Variants in DOT1L observed in about 807,000 individuals in gnomAD.
The protein encoded by DOT1L is histone-lysine N-methyltransferase, H3 lysine-79 specific.
Under a neutral mutation model 153.3 loss-of-function variants are expected in DOT1L, and 33 were observed. That is an observed-to-expected ratio of 0.22 (90% confidence interval 0.16 to 0.29). The LOEUF (loss-of-function observed/expected upper bound fraction) is 0.29. Among genes scored for constraint, DOT1L ranks in the 10% least tolerant of loss-of-function variants. The pLI is 1.00. For synonymous variants in DOT1L, 1,135 were observed against 965.1 expected (o/e 1.18, Z -3.26); for missense variants, 1,847 against 2,119.9 (o/e 0.87, Z 2.53).
At chr19:2,177,330 CTT>C (rs1277904187) in intron 1 of DOT1L, among the ~76,000 whole-genome samples, 1 of 151,870 alleles carries the variant, frequency 6.6e-6, no homozygotes, top group Admixed American at 6.6e-5. Context: ...AAGTTTTGCT[CTT>C]GTCGCCCAGG....
At chr19:2,195,721 T>C (rs2022988398) in intron 7 of DOT1L, among the ~76,000 whole-genome samples, 1 of 151,930 alleles carries the variant, frequency 6.6e-6, no homozygotes, top group African/African-American at 2.4e-5. Context: ...GGCACAGGGG[T>C]TGCCAAGCTG....
rs937922037 is a variant in DOT1L at position 2,180,661 on chromosome 19, G to T, written c.82-52G>T. 4.4e-6 allele frequency: 7 copies of T among 1,607,974 alleles called. No individual in the cohort carries two copies. The African/African-American group carries it at 8.0e-5, about 18-fold the overall frequency. On this transcript the variant is annotated intron_variant, in intron 1 of 27. Transcript: ENST00000398665. ...CGCTTGTCCGGGAAGAGAGCGATGG[G>T]CTCACGGGGTGGAGGATGGCTCTGC...
In DOT1L at chr19:2,230,299, T is replaced by G. The variant is rs2024543269; in HGVS notation, c.*507T>G. 2.4e-6 allele frequency: 1 copy of G among 416,224 alleles called. No homozygotes were observed. Among genetic ancestry groups the G allele is most frequent in the Non-Finnish European group, 4.2e-6 (1 of 237,110 alleles). The allele number at this position is 416,224 out of a possible 1,614,324, so 25.8% of individuals were successfully genotyped here. A position where few individuals can be genotyped will look rare whatever the true frequency, so the allele number is the denominator to read the frequency against. On this transcript the variant is annotated 3_prime_UTR_variant, in exon 28 of 28. Transcript: ENST00000398665. ...TGCTCCCGTACCAAAGGCAGGCCCG[T>G]CGCCACCACATTCCTCGGAGGCCTC...
At position 2,191,596 on chromosome 19, in the gene DOT1L, G is replaced by A. The variant is rs547354263; in HGVS notation, c.493+356G>A. On this transcript the variant is annotated intron_variant, in intron 5 of 27. Coordinates refer to ENST00000398665, the MANE Select transcript of DOT1L (RefSeq NM_032482.3). The surrounding 1 kb of genome is among the most constrained non-coding windows in gnomAD (Gnocchi z 6.8). ...CACTCGCTAGCCTGGGCCCCAGCCC[G>A]GGCCCCACCCACGGCTGCAGCCTGC... Among the ~76,000 whole-genome samples, 3 of 152,234 alleles carry A rather than the reference G, an allele frequency of 2.0e-5. No individual in the cohort carries two copies. The highest frequency in any genetic ancestry group is 4.4e-5 in the Non-Finnish European group (3 of 68,016).
chr19:2,196,562 A>G (rs528787867), intron 7 of DOT1L, among the ~76,000 whole-genome samples: 1 of 152,036 alleles, frequency 6.6e-6, no homozygotes, highest in African/African-American at 2.4e-5. Flanking sequence ...CAAATTCCTG[A>G]CCTCGTGATC....
intron 9 of DOT1L, among the ~76,000 whole-genome samples, chr19:2,203,539 T>A (rs921749412): frequency 6.6e-6 from 1 of 152,218 alleles, no homozygotes; most frequent in Admixed American, 6.5e-5. Context: ...TCAGCTGTTT[T>A]GTTTTCTCCC....
chr19:2,216,465 A>G lies in DOT1L; in HGVS notation c.2108A>G (p.His703Arg). The G allele has an allele frequency of 6.2e-7, 1 of 1,612,628 alleles. No individual in the cohort carries two copies. The stretch of plus-strand genomic sequence containing the variant: ...GACTGCACCAAGTTCTCGCTGCCTC[A>G]CTTGAGCAGCATGAGCCCGGAGCTC... ...ELDCTKFSLP[H>R]LSSMSPELSM... The change falls in exon 20 of 28, where the codon CAC (histidine) becomes CGC (arginine). Residue 703 changes from histidine to arginine, a missense_variant. Around this residue, in one of 8 missense-constraint regions of DOT1L, gnomAD observed 281 missense variants for 263.6 expected, o/e 1.07. Coordinates refer to ENST00000398665, the MANE Select transcript of DOT1L (RefSeq NM_032482.3).
intron 12 of DOT1L, 37 bp downstream of exon 12, chr19:2,209,013 C>T (rs779974421): frequency 1.4e-5 from 22 of 1,604,896 alleles, no homozygotes; most frequent in Middle Eastern, 1.7e-4. Flanking sequence ...GTTAATAACA[C>T]GCATGCACTG....
At position 2,191,674 on chromosome 19, in the gene DOT1L, C is replaced by T. The variant is rs1280603241; in HGVS notation, c.493+434C>T. On this transcript the variant is annotated intron_variant, in intron 5 of 27. Transcript: ENST00000398665. This position sits in a 1 kb window ranked among gnomAD's most constrained non-coding sequence, Gnocchi z 6.8. ...CCCTCCACAGCGGCTGGAAAGGTCCCCCGCGGAGGAAGACCCCAGGTCCCT... is the reference window on the plus strand; with the variant it reads ...CCCTCCACAGCGGCTGGAAAGGTCCTCCGCGGAGGAAGACCCCAGGTCCCT... Among the ~76,000 whole-genome samples, 3 of 152,152 alleles carry T rather than the reference C, an allele frequency of 2.0e-5. No individual in the cohort carries two copies. Among genetic ancestry groups the T allele is most frequent in the Admixed American group, 1.3e-4 (2 of 15,286 alleles).
chr19:2,214,761 C>A, intron 19 of DOT1L, 165 bp downstream of exon 19: 1 of 1,083,404 alleles, frequency 9.2e-7, no homozygotes, highest in Non-Finnish European at 1.3e-6. Context: ...GGGCCGCAGG[C>A]TGCCCGTGTG....
chr19:2,213,083 C>G (rs2023770776), intron 16 of DOT1L: 1 of 160,680 alleles, frequency 6.2e-6, no homozygotes. Context: ...GGGCCCTGTT[C>G]TCTGCTGGTG....
chr19:2,200,063 G>T, intron 8 of DOT1L, 124 bp downstream of exon 8: 1 of 1,292,624 alleles, frequency 7.7e-7, no homozygotes, highest in Non-Finnish European at 1.1e-6. Flanking sequence ...AAAGAGGCCG[G>T]TGGGGACAGG....
Position 2,164,120 on chromosome 19 carries a change from C to G in DOT1L, c.-65C>G, listed in dbSNP as rs2019816316. ...TCCCTCCCGCCCGCCCTCCTCCGCCCACCGGCGGCCCCGCCCCTCCCCCAA... is the reference window on the plus strand; with the variant it reads ...TCCCTCCCGCCCGCCCTCCTCCGCCGACCGGCGGCCCCGCCCCTCCCCCAA... On this transcript the variant is annotated 5_prime_UTR_variant, in exon 1 of 28. Transcript: ENST00000398665. 1 of 626,458 alleles carries G rather than the reference C, an allele frequency of 1.6e-6. No individual in the cohort carries two copies. Among genetic ancestry groups the G allele is most frequent in the South Asian group, 7.1e-5 (1 of 14,132 alleles). The allele number at this position is 626,458 out of a possible 1,614,324, so 38.8% of individuals were successfully genotyped here.
chr19:2,232,506 C>G lies in DOT1L; in HGVS notation c.*2714C>G, dbSNP rs2024649826. On this transcript the variant is annotated 3_prime_UTR_variant, in exon 28 of 28. Coordinates refer to ENST00000398665, the MANE Select transcript of DOT1L (RefSeq NM_032482.3). Reference sequence around the variant, plus strand: ...GTCCGCCCCTGGGCTGCAGGCGCCCCTTCCTCTGGGCACCCCTGCATTCTG... The same window carrying G: ...GTCCGCCCCTGGGCTGCAGGCGCCCGTTCCTCTGGGCACCCCTGCATTCTG... 1 of 221,132 alleles carries G rather than the reference C, an allele frequency of 4.5e-6. No homozygotes were observed. Among genetic ancestry groups the G allele is most frequent in the South Asian group, 1.8e-4 (1 of 5,446 alleles). The allele number at this position is 221,132 out of a possible 1,614,324, so 13.7% of individuals were successfully genotyped here.
At chr19:2,214,011 G>C (rs1461464081) in intron 18 of DOT1L, 25 bp downstream of exon 18, 44 of 1,607,838 alleles carry the variant, frequency 2.7e-5, no homozygotes, top group Non-Finnish European at 3.7e-5. Context: ...GCAAGGACAG[G>C]GACGTGGAAC....
intron 3 of DOT1L, 117 bp from the exon 4 acceptor site, chr19:2,189,615 G>A (rs2022700325): frequency 1.8e-6 from 2 of 1,133,946 alleles, no homozygotes; most frequent in South Asian, 1.3e-5. Context: ...CCAGCTGGCT[G>A]GTGGCTGTCC....
intron 12 of DOT1L, among the ~76,000 whole-genome samples, chr19:2,209,263 TTC>T (rs200954916): frequency 6.6e-6 from 1 of 151,924 alleles, no homozygotes; most frequent in Non-Finnish European, 1.5e-5. Context: ...CCCTCTCCGT[TTC>T]TCTCTCTCTC....
intron 27 of DOT1L, chr19:2,228,660 C>T: frequency 4.1e-6 from 4 of 985,418 alleles, no homozygotes; most frequent in Non-Finnish European, 4.8e-6. Flanking sequence ...GCTGTGCCAG[C>T]CCCTGTGGGC....
At chr19:2,203,358 C>T (rs2023369374) in intron 9 of DOT1L, among the ~76,000 whole-genome samples, 1 of 152,204 alleles carries the variant, frequency 6.6e-6, no homozygotes, top group Admixed American at 6.5e-5. Context: ...GCCTCGGCCC[C>T]CGCAAAGTTT....
Sources: allele counts gnomAD v4.1 joint callset (sites outside exome capture counted in the v4.1 genomes callset), GRCh38; gene constraint gnomAD v4.1.1; regional missense constraint gnomAD v4.1.1; non-coding constraint Gnocchi (gnomAD v3.1); transcripts MANE v1.5; gene names NCBI Gene and HGNC (gene_info 2026-07-23, HGNC 2026-07-21).